Variants in GABRA5 observed in about 807,000 individuals in gnomAD.
GABRA5 encodes gamma-aminobutyric acid type A receptor subunit alpha5.
GABRA5 carries 18 observed loss-of-function variants against 47.3 expected under a neutral mutation model. The ratio of observed to expected loss-of-function variants is 0.38; its 90% CI spans 0.26 to 0.56. The LOEUF is 0.56. Ranked by LOEUF, GABRA5 falls within the 20% of genes least tolerant of loss-of-function variation. GABRA5 has a pLI of 0.71. For missense variants in GABRA5, 365 were observed against 599.3 expected (o/e 0.61, Z 4.08); for synonymous variants, 237 against 229.3 (o/e 1.03, Z -0.30).
Position 26,869,255 on chromosome 15 carries a change from A to C in GABRA5, c.7A>C (p.Asn3His). 1 of 1,586,196 alleles carries C rather than the reference A, an allele frequency of 6.3e-7. No individual in the cohort carries two copies. The highest frequency in any genetic ancestry group is 8.7e-7 in the Non-Finnish European group (1 of 1,154,670). Residue 3 changes from asparagine to histidine, a missense_variant, in exon 3 of 11, where the codon AAT (asparagine) becomes CAT (histidine). Physicochemically the swap from Asn to His is moderately conservative, Grantham distance 68. Around this residue, in one of 3 missense-constraint regions of GABRA5, gnomAD observed 216 missense variants for 335.3 expected, o/e 0.64. Transcript: ENST00000335625. Reference sequence around the variant, plus strand: ...ACTACTATTCTTATTGGGAATGGACAATGGAATGTTCTCTGGTTTTATCAT... The same window carrying C: ...ACTACTATTCTTATTGGGAATGGACCATGGAATGTTCTCTGGTTTTATCAT... Reference protein sequence around the residue: MDNGMFSGFIMIK... With the variant: MDHGMFSGFIMIK...
chr15:26,929,480 G>T (rs769074547), intron 7 of GABRA5, among the ~76,000 whole-genome samples: 5 of 152,206 alleles, frequency 3.3e-5, no homozygotes, highest in Non-Finnish European at 5.9e-5. Flanking sequence ...CAGCAGTTTT[G>T]CCAGGCAGGG....
intron 6 of GABRA5, among the ~76,000 whole-genome samples, chr15:26,886,087 T>C (rs1892871746): frequency 6.6e-6 from 1 of 152,136 alleles, no homozygotes; most frequent in Non-Finnish European, 1.5e-5. Flanking sequence ...TGGCACGATC[T>C]CGGTTCACTG....
In GABRA5 at chr15:26,883,059, G is replaced by A. The variant is rs1747257008; in HGVS notation, c.209-107G>A. The A allele has an allele frequency of 1.1e-6, 1 of 874,718 alleles. No homozygotes were observed. Among genetic ancestry groups the A allele is most frequent in the East Asian group, 2.4e-5 (1 of 41,152 alleles). 54.2% of individuals were successfully genotyped at this position (874,718 alleles called of 1,614,324 possible). A position where few individuals can be genotyped will look rare whatever the true frequency, so the allele number is the denominator to read the frequency against. ...CAAATTTACCAAACGCACTGCAAAA[G>A]CCCCCGGTTGCAGAGGGTGACCCTG... On this transcript the variant is annotated intron_variant, in intron 4 of 10. Transcript: ENST00000335625. This position sits in a 1 kb window ranked among gnomAD's most constrained non-coding sequence, Gnocchi z 4.8.
chr15:26,887,500 T>C (rs1247994306), intron 6 of GABRA5, among the ~76,000 whole-genome samples: 2 of 152,078 alleles, frequency 1.3e-5, no homozygotes, highest in African/African-American at 4.8e-5. Context: ...CAGCTAATTT[T>C]TGTGTTTTTA....
intron 6 of GABRA5, among the ~76,000 whole-genome samples, chr15:26,896,580 G>A (rs1218215048): frequency 2.6e-5 from 4 of 152,144 alleles, no homozygotes; most frequent in African/African-American, 7.2e-5. Flanking sequence ...CCAGGTCCAT[G>A]TGTTAAGCAA....
chr15:26,904,576 T>C (rs1008763224), intron 6 of GABRA5, among the ~76,000 whole-genome samples: 2 of 152,170 alleles, frequency 1.3e-5, no homozygotes, highest in Admixed American at 6.5e-5. Context: ...TTTAGTGATA[T>C]CAATTCTTCC....
In GABRA5 at chr15:26,875,028, C is replaced by T. The variant is rs150271313; in HGVS notation, c.86+5694C>T. ...ACCTGCCTGCAACTCAGTTTCTAAT[C>T]TCAATGTGGGATTAATCATGGGTCT... is the stretch of plus-strand genomic sequence containing the variant. On this transcript the variant is annotated intron_variant, in intron 3 of 10. Transcript: ENST00000335625. Among the ~76,000 whole-genome samples, 509 of 152,280 alleles carry T rather than the reference C, an allele frequency of 3.3e-3. 4 individuals are homozygous for T. Among genetic ancestry groups the T allele is most frequent in the African/African-American group, 0.012 (486 of 41,574 alleles).
chr15:26,916,116 C>T (rs1893711802), intron 7 of GABRA5, among the ~76,000 whole-genome samples: 1 of 152,218 alleles, frequency 6.6e-6, no homozygotes, highest in East Asian at 1.9e-4. Flanking sequence ...TATCTTTCTA[C>T]TCCTTTTTTG....
chr15:26,888,679 A>G (rs1462471013), intron 6 of GABRA5, among the ~76,000 whole-genome samples: 3 of 152,130 alleles, frequency 2.0e-5, no homozygotes, highest in Non-Finnish European at 2.9e-5. Context: ...ACATACATAC[A>G]CCATTACGTA....
intron 7 of GABRA5, among the ~76,000 whole-genome samples, chr15:26,926,529 T>G (rs1231081024): frequency 6.6e-6 from 1 of 152,176 alleles, no homozygotes; most frequent in East Asian, 1.9e-4. Context: ...GGGATTTATT[T>G]AAATCATTTG....
chr15:26,892,451 C>T (rs1595404059), intron 6 of GABRA5, among the ~76,000 whole-genome samples: 1 of 151,416 alleles, frequency 6.6e-6, no homozygotes, highest in African/African-American at 2.4e-5. Context: ...CTGCCTTCCC[C>T]GGCCGCGCGC....
intron 6 of GABRA5, among the ~76,000 whole-genome samples, chr15:26,885,704 T>A (rs935678901): frequency 1.3e-5 from 2 of 152,144 alleles, no homozygotes; most frequent in Admixed American, 1.3e-4. Flanking sequence ...GGGTTGAGAA[T>A]AAGTCCTTAG....
intron 10 of GABRA5, among the ~76,000 whole-genome samples, 191 bp from the exon 11 acceptor site, chr15:26,947,743 A>T (rs996507901): frequency 1.3e-5 from 2 of 152,158 alleles, no homozygotes; most frequent in African/African-American, 4.8e-5. Context: ...TGGGATTGCC[A>T]GACTTTAATA....
chr15:26,934,709 T>G (rs1025432819), intron 7 of GABRA5, among the ~76,000 whole-genome samples: 1 of 152,180 alleles, frequency 6.6e-6, no homozygotes, highest in Non-Finnish European at 1.5e-5. Context: ...TCAAAGAGGT[T>G]GCTCAAGTCC....
intron 1 of GABRA5, chr15:26,868,197 T>C (rs1049872539): frequency 9.9e-5 from 15 of 151,918 alleles, no homozygotes; most frequent in African/African-American, 3.6e-4. Context: ...CCGCCCGGGT[T>C]TCCCGCATGC....
At chr15:26,874,731 A>G (rs796498437) in intron 3 of GABRA5, among the ~76,000 whole-genome samples, 2 of 152,328 alleles carry the variant, frequency 1.3e-5, no homozygotes, top group Admixed American at 6.5e-5. Context: ...TCAGCAGTTC[A>G]TTGAAAACTC....
At chr15:26,921,278 T>C (rs1033108852) in intron 7 of GABRA5, among the ~76,000 whole-genome samples, 6 of 152,204 alleles carry the variant, frequency 3.9e-5, no homozygotes, top group African/African-American at 1.4e-4. Context: ...GAGATATTTA[T>C]GATTTAAATT....
chr15:26,881,554 G>A (rs1324223117), intron 4 of GABRA5, among the ~76,000 whole-genome samples: 2 of 152,208 alleles, frequency 1.3e-5, no homozygotes, highest in Non-Finnish European at 2.9e-5. Context: ...TCATTGTTGT[G>A]CTAAGAATTG....
intron 7 of GABRA5, among the ~76,000 whole-genome samples, chr15:26,922,102 T>A (rs553962281): frequency 6.6e-6 from 1 of 152,288 alleles, no homozygotes; most frequent in Non-Finnish European, 1.5e-5. Flanking sequence ...GATTATATTA[T>A]CTTGATTATG....
Sources: allele counts gnomAD v4.1 joint callset (sites outside exome capture counted in the v4.1 genomes callset), GRCh38; gene constraint gnomAD v4.1.1; regional missense constraint gnomAD v4.1.1; non-coding constraint Gnocchi (gnomAD v3.1); transcripts MANE v1.5; gene names NCBI Gene and HGNC (gene_info 2026-07-23, HGNC 2026-07-21).